PAN3: variants seen among roughly 807,000 people sequenced by gnomAD.
PAN3 encodes the protein PAN2-PAN3 deadenylation complex subunit PAN3.
A neutral mutation model predicts 96.2 loss-of-function variants in PAN3; 19 were observed. The observed-to-expected ratio is 0.20, with a 90% CI of 0.14 to 0.29. PAN3 has a LOEUF of 0.29. PAN3 is among the 10% of genes least tolerant of loss of function. PAN3 has a pLI of 1.00. For missense variants in PAN3, 882 were observed against 1,108.1 expected (o/e 0.80, Z 2.90); for synonymous variants, 433 against 406.6 (o/e 1.06, Z -0.78).
intron 6 of PAN3, among the ~76,000 whole-genome samples, chr13:28,221,418 A>G (rs1042100823): frequency 6.6e-6 from 1 of 152,162 alleles, no homozygotes; most frequent in Admixed American, 6.5e-5. Flanking sequence ...TATCTAGATC[A>G]GCCAGGAACT....
rs760615725 is a variant in PAN3 at position 28,293,854 on chromosome 13, C to G, written c.*1332C>G. The stretch of plus-strand genomic sequence containing the variant: ...AAAACAGTAATGAAGACTATATCTC[C>G]TTTCCCAGCACTGAATGTTTTACTA... On this transcript the variant is annotated 3_prime_UTR_variant, in exon 19 of 19. Transcript: ENST00000380958. The G allele has an allele frequency of 6.6e-6, 1 of 152,608 alleles. No individual in the cohort carries two copies. Among genetic ancestry groups the G allele is most frequent in the Non-Finnish European group, 1.5e-5 (1 of 68,026 alleles). 9.5% of individuals were successfully genotyped at this position (152,608 alleles called of 1,614,324 possible).
Position 28,277,374 on chromosome 13 carries a change from T to G in PAN3, c.2187T>G (p.Ile729Met). ...INYSSDLKNL[I>M]LYLLTDQNRM... Reference sequence around the variant, plus strand: ...ATTCCTCTGACCTGAAGAATCTGATTTTGTAAGTTTTAATATATGATAAAT... The same window carrying G: ...ATTCCTCTGACCTGAAGAATCTGATGTTGTAAGTTTTAATATATGATAAAT... Residue 729 changes from isoleucine to methionine, a missense_variant and splice_region_variant, in exon 15 of 19, where the codon ATT (isoleucine) becomes ATG (methionine). Physicochemically the swap from Ile to Met is conservative, Grantham distance 10. Coordinates refer to ENST00000380958, the MANE Select transcript of PAN3 (RefSeq NM_175854.8). 6.2e-7 allele frequency: 1 copy of G among 1,608,554 alleles called. No homozygotes were observed. Among genetic ancestry groups the G allele is most frequent in the Non-Finnish European group, 8.5e-7 (1 of 1,177,894 alleles).
In PAN3 at chr13:28,178,238, T is replaced by C. The variant is rs117866940; in HGVS notation, c.690+303T>C. Reference sequence around the variant, plus strand: ...TAATTTAATGTTAAGTTGCTGTTAATGTGACCCATTGTAAGCATGTTAATC... The same window carrying C: ...TAATTTAATGTTAAGTTGCTGTTAACGTGACCCATTGTAAGCATGTTAATC... On this transcript the variant is annotated intron_variant, in intron 4 of 18. Coordinates refer to ENST00000380958, the MANE Select transcript of PAN3 (RefSeq NM_175854.8). 1.4e-3 allele frequency among the ~76,000 whole-genome samples: 209 copies of C among 152,322 alleles called. 3 individuals are homozygous for C. The Middle Eastern group carries it at 0.02, about 15-fold the overall frequency.
At chr13:28,213,869 C>T (rs1880381782) in intron 5 of PAN3, among the ~76,000 whole-genome samples, 1 of 151,964 alleles carries the variant, frequency 6.6e-6, no homozygotes, top group Admixed American at 6.6e-5. Context: ...TAATTAAAAC[C>T]ACAATGAGAT....
chr13:28,262,747 A>G (rs1251093369), intron 9 of PAN3, among the ~76,000 whole-genome samples: 2 of 152,224 alleles, frequency 1.3e-5, no homozygotes, highest in Non-Finnish European at 2.9e-5. Context: ...TAAGATTAAT[A>G]CATCAGTTGC....
At chr13:28,188,228 A>G (rs774868209) in intron 4 of PAN3, among the ~76,000 whole-genome samples, 7 of 145,102 alleles carry the variant, frequency 4.8e-5, no homozygotes, top group Non-Finnish European at 1.0e-4. Context: ...TTTATTATAT[A>G]TTTATTTCAA....
At chr13:28,278,437 A>G (rs779237153) in intron 15 of PAN3, among the ~76,000 whole-genome samples, 1 of 152,176 alleles carries the variant, frequency 6.6e-6, no homozygotes, top group Non-Finnish European at 1.5e-5. Flanking sequence ...TAATCTCTAA[A>G]TTTTCCTTTT....
chr13:28,185,089 T>C (rs1363390975), intron 4 of PAN3, among the ~76,000 whole-genome samples: 4 of 152,142 alleles, frequency 2.6e-5, no homozygotes, highest in African/African-American at 9.7e-5. Flanking sequence ...CGTCCTTGTT[T>C]TTATATAATT....
At chr13:28,179,553 A>G (rs1038525703) in intron 4 of PAN3, among the ~76,000 whole-genome samples, 1 of 152,082 alleles carries the variant, frequency 6.6e-6, no homozygotes, top group Admixed American at 6.5e-5. Context: ...CATCTCTTAT[A>G]AAAATAAAAA....
chr13:28,263,233 T>C (rs1885880777), intron 9 of PAN3, among the ~76,000 whole-genome samples: 1 of 152,208 alleles, frequency 6.6e-6, no homozygotes, highest in African/African-American at 2.4e-5. Context: ...ACAGATTGAT[T>C]AACGGAACAG....
intron 1 of PAN3, among the ~76,000 whole-genome samples, chr13:28,166,361 T>A (rs1873535104): frequency 6.6e-6 from 1 of 152,236 alleles, no homozygotes; most frequent in Admixed American, 6.5e-5. Flanking sequence ...TCTGGATGCC[T>A]GAGAATAATC....
intron 1 of PAN3, among the ~76,000 whole-genome samples, chr13:28,155,612 CAA>C (rs938296747): frequency 6.6e-6 from 1 of 151,880 alleles, no homozygotes; most frequent in African/African-American, 2.4e-5. Flanking sequence ...AATTAAAAAA[CAA>C]AGATGTATCG....
At chr13:28,274,647 C>T (rs1049319847) in intron 14 of PAN3, among the ~76,000 whole-genome samples, 6 of 152,162 alleles carry the variant, frequency 3.9e-5, no homozygotes, top group African/African-American at 4.8e-5. Context: ...GCATTTAGGG[C>T]ACCTTATTAA....
At chr13:28,245,722 C>T (rs1413380666) in intron 6 of PAN3, among the ~76,000 whole-genome samples, 2 of 146,460 alleles carry the variant, frequency 1.4e-5, no homozygotes, top group African/African-American at 2.8e-5. Flanking sequence ...TATTTTCTGA[C>T]TTTTTATAGA....
Position 28,157,087 on chromosome 13 carries a change from A to G in PAN3, c.431-17185A>G, listed in dbSNP as rs566586850. Among the ~76,000 whole-genome samples the G allele has an allele frequency of 2.0e-5, 3 of 152,220 alleles. No homozygotes were observed. In the East Asian group the frequency reaches 5.8e-4, roughly 29 times the overall value. On this transcript the variant is annotated intron_variant, in intron 1 of 18. Coordinates refer to ENST00000380958, the MANE Select transcript of PAN3 (RefSeq NM_175854.8). ...AGACTGGTCGGGCATACACAAATCA[A>G]TAAATGTTACCCGTCACATAAACAG... is the stretch of plus-strand genomic sequence containing the variant.
In PAN3 at chr13:28,293,228, T is replaced by TTC. The variant is rs1869965695; in HGVS notation, c.*707_*708dup. 1 of 152,158 alleles carries TTC rather than the reference T, an allele frequency of 6.6e-6. No individual in the cohort carries two copies. Among genetic ancestry groups the TTC allele is most frequent in the Admixed American group, 6.5e-5 (1 of 15,276 alleles). 9.4% of individuals were successfully genotyped at this position (152,158 alleles called of 1,614,324 possible). A position where few individuals can be genotyped will look rare whatever the true frequency, so the allele number is the denominator to read the frequency against. ...TAACTGAAGGAGCATGTATAGCTCT[T>TTC]TCCTTCAAATTCAACTAGAGCCTTT... On this transcript the variant is annotated 3_prime_UTR_variant, in exon 19 of 19. Coordinates refer to ENST00000380958, the MANE Select transcript of PAN3 (RefSeq NM_175854.8).
intron 5 of PAN3, among the ~76,000 whole-genome samples, chr13:28,211,872 A>G (rs1880076954): frequency 6.6e-6 from 1 of 152,220 alleles, no homozygotes; most frequent in Non-Finnish European, 1.5e-5. Context: ...CCAGCTTACT[A>G]CCTTGGGAGA....
At chr13:28,156,253 A>C (rs1220000598) in intron 1 of PAN3, among the ~76,000 whole-genome samples, 1 of 152,334 alleles carries the variant, frequency 6.6e-6, no homozygotes, top group Admixed American at 6.5e-5. Flanking sequence ...ACAGAAATAC[A>C]AAAAACCCTC....
intron 14 of PAN3, among the ~76,000 whole-genome samples, chr13:28,275,745 A>G (rs984532233): frequency 6.6e-6 from 1 of 152,146 alleles, no homozygotes; most frequent in East Asian, 1.9e-4. Flanking sequence ...TCTCCTTCCC[A>G]TGCCAGCTTC....
Sources: allele counts gnomAD v4.1 joint callset (sites outside exome capture counted in the v4.1 genomes callset), GRCh38; gene constraint gnomAD v4.1.1; transcripts MANE v1.5; gene names NCBI Gene and HGNC (gene_info 2026-07-23, HGNC 2026-07-21).